The following SHF variants were observed in gnomAD, a reference collection of about 807,000 sequenced individuals.
SHF encodes the protein Src homology 2 domain containing F, also known as SH2 domain-containing adapter protein F.
Under a neutral mutation model 42.4 loss-of-function variants are expected in SHF, and 30 were observed. That is an observed-to-expected ratio of 0.71 (90% confidence interval 0.53 to 0.96). SHF has a LOEUF of 0.96. SHF is among the 40% of genes least tolerant of loss of function. The pLI is 0.00. For synonymous variants in SHF, 264 were observed against 269.9 expected (o/e 0.98, Z 0.21); for missense variants, 598 against 634.0 (o/e 0.94, Z 0.61).
At chr15:45,184,896 C>T (rs1445868673) in intron 1 of SHF, among the ~76,000 whole-genome samples, 1 of 152,244 alleles carries the variant, frequency 6.6e-6, no homozygotes, top group East Asian at 1.9e-4. Flanking sequence ...CAGATGGCCA[C>T]CCCTGCACCC....
chr15:45,188,004 CGGGGGT>C (rs1247102802), upstream of SHF: 132 of 103,662 alleles, frequency 1.3e-3, no homozygotes, highest in Non-Finnish European at 1.8e-3. Context: ...GGGGCGGGGG[CGGGGGT>C]GGGGAGGGGG....
chr15:45,183,768 G>C (rs1268957251), intron 1 of SHF, among the ~76,000 whole-genome samples: 41 of 152,344 alleles, frequency 2.7e-4, no homozygotes, highest in Non-Finnish European at 1.8e-4. Context: ...AAGCACAGAT[G>C]TCTTCCAGAC....
chr15:45,173,611 G>A lies in SHF; in HGVS notation c.953C>T (p.Ser318Leu), dbSNP rs1313981342. 1.2e-5 allele frequency: 19 copies of A among 1,546,960 alleles called. 1 individual carries two copies. Among genetic ancestry groups the A allele is most frequent in the Middle Eastern group, 1.7e-4 (1 of 5,764 alleles). The change falls in exon 4 of 7, where the codon TCG (serine) becomes TTG (leucine). Residue 318 changes from serine (S) to leucine (L), a missense_variant. Ser to Leu is a moderately radical substitution (Grantham distance 145). Transcript: ENST00000690270. ...CTCCAGGCTGGGCTCAGGGAGGGGC[G>A]AGGCTGGACCGGAGATGTCCCTGTC... ...DGDRDISGPA[S>L]PLPEPSLEDS...
rs538409787 is a variant in SHF, at chr15:45,196,293, C to T, written c.303+2479G>A. 6.6e-4 allele frequency among the ~76,000 whole-genome samples: 100 copies of T among 152,230 alleles called. 1 individual carries two copies. The Middle Eastern group carries it at 0.01, about 16-fold the overall frequency. On this transcript the variant is annotated intron_variant, in intron 2 of 7. Coordinates refer to the SHF transcript ENST00000290894. The stretch of plus-strand genomic sequence containing the variant: ...ATTTTTAGTAGAGACGGGGTTTCCC[C>T]ATGTTGGCCAGGCTGGTCTCGAACT...
intron 1 of SHF, among the ~76,000 whole-genome samples, chr15:45,186,676 G>C (rs560598484): frequency 1.3e-5 from 2 of 152,382 alleles, no homozygotes; most frequent in East Asian, 3.9e-4. Context: ...AATGGACCAG[G>C]GGGAGAGGGA....
At chr15:45,179,781 C>T (rs1391208225) in intron 1 of SHF, among the ~76,000 whole-genome samples, 1 of 152,148 alleles carries the variant, frequency 6.6e-6, no homozygotes, top group African/African-American at 2.4e-5. Flanking sequence ...CTTGCCTTTC[C>T]CTAAATCTCA....
At chr15:45,188,031 G>C (rs1407989319), upstream of SHF, 6 of 345,934 alleles carry the variant, frequency 1.7e-5, no homozygotes, top group African/African-American at 6.6e-5. Flanking sequence ...GCGGGGCTCC[G>C]CCGGGCGGGG....
chr15:45,168,226 G>A (rs1003105278), intron 6 of SHF, 93 bp from the exon 7 acceptor site: 4 of 1,242,988 alleles, frequency 3.2e-6, no homozygotes, highest in Non-Finnish European at 3.3e-6. Context: ...TACAGCAAAT[G>A]TGGTGGTTCC....
At chr15:45,183,965 C>G (rs1215416966) in intron 1 of SHF, among the ~76,000 whole-genome samples, 1 of 152,206 alleles carries the variant, frequency 6.6e-6, no homozygotes, top group African/African-American at 2.4e-5. Context: ...GGACTCCTAC[C>G]TTCTCCTCCC....
At chr15:45,181,913 A>G (rs888451404) in intron 1 of SHF, among the ~76,000 whole-genome samples, 4 of 152,248 alleles carry the variant, frequency 2.6e-5, no homozygotes, top group Non-Finnish European at 5.9e-5. Context: ...TATAGCCAGA[A>G]TGCTGCTGAA....
chr15:45,175,549 A>T (rs1001380686), intron 2 of SHF, 124 bp from the exon 3 acceptor site: 12 of 951,970 alleles, frequency 1.3e-5, no homozygotes, highest in Non-Finnish European at 1.7e-5. Context: ...CTCTGGGGGG[A>T]GCTCAGCAAC....
rs1184416250 is a variant in SHF at position 45,173,636 on chromosome 15, C to G, written c.928G>C (p.Asp310His). 1 of 1,551,142 alleles carries G rather than the reference C, an allele frequency of 6.4e-7. No homozygotes were observed. Among genetic ancestry groups the G allele is most frequent in the Non-Finnish European group, 8.7e-7 (1 of 1,146,848 alleles). The change falls in exon 4 of 7, where the codon GAC becomes CAC. Residue 310 changes from aspartate to histidine, a missense_variant. By Grantham distance (81) the Asp-to-His change is moderately conservative. Coordinates refer to ENST00000690270, the MANE Select transcript of SHF (RefSeq NM_001394037.1). ...LDSSPSLPDGDRDISGPASPL... is the reference protein window; with the variant it reads ...LDSSPSLPDGHRDISGPASPL... ...GAGGCTGGACCGGAGATGTCCCTGT[C>G]CCCATCAGGCAGGGAGGGGCTGCTG...
Position 45,187,666 on chromosome 15 carries a change from C to A in SHF, c.286G>T (p.Ala96Ser). ...TCGCGCTCCCGCTGCAGCCTGTAGG[C>A]GGCCAGGATGTCCGGGGGCGGCGCG... is the stretch of plus-strand genomic sequence containing the variant. ...PPAPPPDILA[A>S]YRLQRERDFE... The change falls in exon 1 of 7, where the codon GCC becomes TCC. Residue 96 changes from alanine (A) to serine (S), a missense_variant. By Grantham distance (99) the Ala-to-Ser change is moderately conservative (BLOSUM62 1). Coordinates refer to ENST00000690270, the MANE Select transcript of SHF (RefSeq NM_001394037.1). 1 of 1,224,496 alleles carries A rather than the reference C, an allele frequency of 8.2e-7. No homozygotes were observed. The highest frequency in any genetic ancestry group is 1.6e-5 in the African/African-American group (1 of 63,824). The allele number at this position is 1,224,496 out of a possible 1,614,324, so 75.9% of individuals were successfully genotyped here. A position where few individuals can be genotyped will look rare whatever the true frequency, so the allele number is the denominator to read the frequency against.
intron 6 of SHF, 183 bp downstream of exon 6, chr15:45,171,700 C>T (rs1464807339): frequency 3.1e-6 from 2 of 644,744 alleles, no homozygotes; most frequent in Non-Finnish European, 5.3e-6. Flanking sequence ...TCAACTATTT[C>T]TCCCAATGGA....
upstream of SHF, among the ~76,000 whole-genome samples, chr15:45,189,643 C>A (rs1017222985): frequency 6.6e-6 from 1 of 152,080 alleles, no homozygotes; most frequent in Non-Finnish European, 1.5e-5. Context: ...CCCACCTCGG[C>A]CTTCCAAAAT....
At chr15:45,181,328 GA>G (rs951865958) in intron 1 of SHF, 1 of 152,564 alleles carries the variant, frequency 6.6e-6, no homozygotes, top group African/African-American at 2.4e-5. Context: ...TGGGAGTTGG[GA>G]GCAGCAGCAG....
rs1339157266 is a variant in SHF at position 45,184,194 on chromosome 15, C to G, written c.498+3260G>C. On this transcript the variant is annotated intron_variant, in intron 1 of 6. Transcript: ENST00000690270. ...GAGATGGTCTTACATTGACTGGCAG[C>G]CCCTACCAATCCTCCTAACCTCAGG... Among the ~76,000 whole-genome samples, 7 of 152,296 alleles carry G rather than the reference C, an allele frequency of 4.6e-5. No homozygotes were observed. In the East Asian group the frequency reaches 9.7e-4, roughly 21 times the overall value.
At chr15:45,180,237 A>G (rs927783996) in intron 1 of SHF, among the ~76,000 whole-genome samples, 2 of 152,118 alleles carry the variant, frequency 1.3e-5, no homozygotes, top group South Asian at 2.1e-4. Context: ...ATCATCGCCT[A>G]TCTCCCCTTG....
chr15:45,188,750 G>A (rs1898605726), upstream of SHF, among the ~76,000 whole-genome samples: 1 of 152,198 alleles, frequency 6.6e-6, no homozygotes, highest in Admixed American at 6.5e-5. Flanking sequence ...GCCACATCCC[G>A]GGCTTCATTG....
Sources: gnomAD v4.1 joint callset for allele counts (sites outside exome capture counted in the v4.1 genomes callset) on GRCh38, gnomAD v4.1.1 for gene constraint, MANE v1.5 for transcripts, NCBI Gene and HGNC (gene_info 2026-07-23, HGNC 2026-07-21) for gene names.